Variants in ACTL9 observed in about 807,000 individuals in gnomAD.
ACTL9 encodes actin-like protein 9.
ACTL9 carries 1 observed loss-of-function variant against 0.9 expected under a neutral mutation model. The ratio of observed to expected loss-of-function variants is 1.10; its 90% CI spans 0.39 to 5.23. The LOEUF is 5.23. Among genes scored for constraint, ACTL9 ranks in the 30% most tolerant of loss-of-function variants. The probability of loss-of-function intolerance (pLI) is 0.16; values close to 1 mark genes in which losing one functional copy is unlikely to be tolerated. For missense variants in ACTL9, 597 were observed against 566.8 expected (o/e 1.05, Z -0.54); for synonymous variants, 283 against 269.5 (o/e 1.05, Z -0.49).
Position 8,698,500 on chromosome 19 carries a change from G to GC in ACTL9, c.201dup (p.Gln68AlafsTer188). The GC allele has an allele frequency of 6.3e-7, 1 of 1,583,774 alleles. No individual in the cohort carries two copies. Among genetic ancestry groups the GC allele is most frequent in the Middle Eastern group, 1.7e-4 (1 of 5,944 alleles). Reference sequence around the variant, plus strand: ...GCCACGGTGTAGGTGGGGCTGGCCTGCCCAGCAAAACCTACCTTACAGGTG... The same window carrying GC: ...GCCACGGTGTAGGTGGGGCTGGCCTGCCCCAGCAAAACCTACCTTACAGGTG... On this transcript the variant is annotated frameshift_variant, in exon 1 of 1. Coordinates refer to ENST00000324436, the MANE Select transcript of ACTL9 (RefSeq NM_178525.5). LOFTEE classifies it low-confidence loss of function (END_TRUNC).
At position 8,697,645 on chromosome 19, in the gene ACTL9, G is replaced by A; in HGVS notation, c.1057C>T (p.Arg353Cys). 4 of 1,612,366 alleles carry A rather than the reference G, an allele frequency of 2.5e-6. No homozygotes were observed. The highest frequency in any genetic ancestry group is 1.7e-4 in the Middle Eastern group (1 of 6,058). The change falls in exon 1 of 1, where the codon CGC (arginine) becomes TGC (cysteine). Residue 353 changes from arginine (R) to cysteine (C), a missense_variant. By Grantham distance (180) the Arg-to-Cys change is radical. Transcript: ENST00000324436. The surrounding 1 kb of genome is among the most constrained non-coding windows in gnomAD (Gnocchi z 4.3). ...GSSLFTGFEG[R>C]FRAELLRALP... The stretch of plus-strand genomic sequence containing the variant: ...GCGCGCAGCAGCTCTGCCCGGAAGC[G>A]ACCCTCGAAGCCGGTGAAGAGCGAG...
Position 8,698,501 on chromosome 19 carries a change from C to T in ACTL9, c.201G>A (p.Gly67=), listed in dbSNP as rs1215848583. Residue 67 remains glycine (G), a synonymous_variant, in exon 1 of 1, where the codon GGG becomes GGA. Coordinates refer to ENST00000324436, the MANE Select transcript of ACTL9 (RefSeq NM_178525.5). The stretch of plus-strand genomic sequence containing the variant: ...CCACGGTGTAGGTGGGGCTGGCCTG[C>T]CCAGCAAAACCTACCTTACAGGTGC... The part of the protein sequence containing the change: ...GTGTCKVGFA[G]QASPTYTVAT... 4.4e-6 allele frequency: 7 copies of T among 1,583,522 alleles called. No homozygotes were observed. In the Middle Eastern group the frequency reaches 5.0e-4, roughly 114 times the overall value.
rs1555753322 is a variant in ACTL9, at chr19:8,697,800, A to C, written c.902T>G (p.Leu301Arg). The C allele has an allele frequency of 6.2e-7, 1 of 1,613,154 alleles. No individual in the cohort carries two copies. Among genetic ancestry groups the C allele is most frequent in the Non-Finnish European group, 8.5e-7 (1 of 1,179,980 alleles). The change falls in exon 1 of 1, where the codon CTG (leucine) becomes CGG (arginine). Residue 301 changes from leucine (L) to arginine (R), a missense_variant. By Grantham distance (102) the Leu-to-Arg change is moderately radical. Coordinates refer to ENST00000324436, the MANE Select transcript of ACTL9 (RefSeq NM_178525.5). This position sits in a 1 kb window ranked among gnomAD's most constrained non-coding sequence, Gnocchi z 4.3. ...CCCCGGGACCTCTGGGGGGTTGAAC[A>C]GCAGCTCCGGACACTGGAACAGCTC... ...GKELFQCPEL[L>R]FNPPEVPGLS...
Position 8,697,428 on chromosome 19 carries a change from C to T in ACTL9, c.*23G>A, listed in dbSNP as rs527438836. 1.9e-6 allele frequency: 3 copies of T among 1,544,954 alleles called. No individual in the cohort carries two copies. The highest frequency in any genetic ancestry group is 4.0e-5 in the Admixed American group (2 of 49,496). The stretch of plus-strand genomic sequence containing the variant: ...TGTAGCAGAGGCTTTACTGCCCCCA[C>T]GCCCTCCCCAGCTCTGCCCTGGTCA... On this transcript the variant is annotated 3_prime_UTR_variant, in exon 1 of 1. Transcript: ENST00000324436. The surrounding 1 kb of genome is among the most constrained non-coding windows in gnomAD (Gnocchi z 4.3).
In ACTL9 at chr19:8,697,904, C is replaced by G; in HGVS notation, c.798G>C (p.Gln266His). ...HHYCYVASDF[Q>H]KEQARPEQEY... ...CCTGCTCCGGCCGGGCCTGCTCCTT[C>G]TGGAAGTCGGAGGCCACGTAGCAAT... is the stretch of plus-strand genomic sequence containing the variant. Residue 266 changes from glutamine (Q) to histidine (H), a missense_variant, in exon 1 of 1, where the codon CAG (glutamine) becomes CAC (histidine). Coordinates refer to ENST00000324436, the MANE Select transcript of ACTL9 (RefSeq NM_178525.5). This position sits in a 1 kb window ranked among gnomAD's most constrained non-coding sequence, Gnocchi z 4.3. 6.2e-7 allele frequency: 1 copy of G among 1,613,608 alleles called. No individual in the cohort carries two copies. The highest frequency in any genetic ancestry group is 1.1e-5 in the South Asian group (1 of 91,086).
Position 8,698,003 on chromosome 19 carries a change from C to G in ACTL9, c.699G>C (p.Ala233=). The G allele has an allele frequency of 6.2e-7, 1 of 1,604,700 alleles. No individual in the cohort carries two copies. The highest frequency in any genetic ancestry group is 8.5e-7 in the Non-Finnish European group (1 of 1,179,738). The change falls in exon 1 of 1, where the codon GCG becomes GCC. Residue 233 remains alanine, a synonymous_variant. Coordinates refer to ENST00000324436, the MANE Select transcript of ACTL9 (RefSeq NM_178525.5). ...GCAGGCCGGCCTGGAGCAGCATCTC[C>G]GCCAGGAAGGCGGTCAGGTTGTTGC... ...LAGNNLTAFL[A]EMLLQAGLPL... is the part of the protein sequence containing the mutation.
rs1195389614 is a variant in ACTL9, at chr19:8,698,198, C to T, written c.504G>A (p.Glu168=). Residue 168 remains glutamate, a synonymous_variant, in exon 1 of 1, where the codon GAG becomes GAA. Transcript: ENST00000324436. ...CGTACATGGCTGGGGAGCGCAGCGA[C>T]TCGAAGGCCACCTCCACTAGCTTCT... ...NREKLVEVAF[E]SLRSPAMYVA... 9 of 1,605,882 alleles carry T rather than the reference C, an allele frequency of 5.6e-6. No individual in the cohort carries two copies. The highest frequency in any genetic ancestry group is 1.6e-4 in the Middle Eastern group (1 of 6,068).
At position 8,698,642 on chromosome 19, in the gene ACTL9, G is replaced by C; in HGVS notation, c.60C>G (p.Pro20=). 1 of 1,579,808 alleles carries C rather than the reference G, an allele frequency of 6.3e-7. No individual in the cohort carries two copies. The highest frequency in any genetic ancestry group is 8.6e-7 in the Non-Finnish European group (1 of 1,157,198). ...ESQSSLEAPR[P]GPNPSPNVVN... ...CCACGTTGGGACTGGGGTTTGGGCC[G>C]GGCCTGGGGGCCTCCAGGGAGGACT... The change falls in exon 1 of 1, where the codon CCC becomes CCG. Residue 20 remains proline (P), a synonymous_variant. Transcript: ENST00000324436.
Position 8,697,692 on chromosome 19 carries a change from T to C in ACTL9, c.1010A>G (p.Asn337Ser). 6.2e-7 allele frequency: 1 copy of C among 1,612,088 alleles called. No individual in the cohort carries two copies. The change falls in exon 1 of 1, where the codon AAC becomes AGC. Residue 337 changes from asparagine to serine, a missense_variant. Transcript: ENST00000324436. This position sits in a 1 kb window ranked among gnomAD's most constrained non-coding sequence, Gnocchi z 4.3. ...CGAGGACCCACCGCAGAGAAGCACG[T>C]TTTGGGCCAAGTCCGCGCGCATCTC... is the stretch of plus-strand genomic sequence containing the variant. ...SLEMRADLAQ[N>S]VLLCGGSSLF... is the part of the protein sequence containing the mutation.
In ACTL9 at chr19:8,698,502, C is replaced by T; in HGVS notation, c.200G>A (p.Gly67Glu). 6.3e-7 allele frequency: 1 copy of T among 1,584,758 alleles called. No homozygotes were observed. Among genetic ancestry groups the T allele is most frequent in the South Asian group, 1.1e-5 (1 of 88,218 alleles). The part of the protein sequence containing the change: ...GTGTCKVGFA[G>E]QASPTYTVAT... ...CACGGTGTAGGTGGGGCTGGCCTGC[C>T]CAGCAAAACCTACCTTACAGGTGCC... Residue 67 changes from glycine to glutamate, a missense_variant, in exon 1 of 1, where the codon GGG becomes GAG. Transcript: ENST00000324436.
In ACTL9 at chr19:8,697,913, G is replaced by A. The variant is rs781970744; in HGVS notation, c.789C>T (p.Ser263=). The change falls in exon 1 of 1, where the codon TCC becomes TCT. Residue 263 remains serine, a synonymous_variant. Coordinates refer to ENST00000324436, the MANE Select transcript of ACTL9 (RefSeq NM_178525.5). This position sits in a 1 kb window ranked among gnomAD's most constrained non-coding sequence, Gnocchi z 4.3. ...GCCGGGCCTGCTCCTTCTGGAAGTCGGAGGCCACGTAGCAATAGTGGTGCT... is the reference window on the plus strand; with the variant it reads ...GCCGGGCCTGCTCCTTCTGGAAGTCAGAGGCCACGTAGCAATAGTGGTGCT... ...NIKHHYCYVA[S]DFQKEQARPE... is the part of the protein sequence containing the mutation. 3.1e-6 allele frequency: 5 copies of A among 1,613,598 alleles called. No individual in the cohort carries two copies. Among genetic ancestry groups the A allele is most frequent in the African/African-American group, 1.3e-5 (1 of 75,030 alleles).
Position 8,697,419 on chromosome 19 carries a change from C to T in ACTL9, c.*32G>A, listed in dbSNP as rs1555753206. 9 of 1,536,042 alleles carry T rather than the reference C, an allele frequency of 5.9e-6. No homozygotes were observed. The highest frequency in any genetic ancestry group is 7.9e-6 in the Non-Finnish European group (9 of 1,143,574). The stretch of plus-strand genomic sequence containing the variant: ...AGAGCCGGCTGTAGCAGAGGCTTTA[C>T]TGCCCCCACGCCCTCCCCAGCTCTG... On this transcript the variant is annotated 3_prime_UTR_variant, in exon 1 of 1. Coordinates refer to ENST00000324436, the MANE Select transcript of ACTL9 (RefSeq NM_178525.5). This position sits in a 1 kb window ranked among gnomAD's most constrained non-coding sequence, Gnocchi z 4.3.
In ACTL9 at chr19:8,698,302, CCA is replaced by C. The variant is rs2043210795; in HGVS notation, c.398_399del (p.Leu133ArgfsTer122). On this transcript the variant is annotated frameshift_variant, in exon 1 of 1. Coordinates refer to ENST00000324436, the MANE Select transcript of ACTL9 (RefSeq NM_178525.5). LOFTEE classifies it low-confidence loss of function (END_TRUNC). The part of the protein sequence containing the change: ...DAAELIWRHL[L>X]EHDLRVATHD... Reference sequence around the variant, plus strand: ...TGGGTGGCCACTCGGAGGTCGTGCTCCAGCAGGTGGCGCCAGATGAGCTCGGC... The same window carrying C: ...TGGGTGGCCACTCGGAGGTCGTGCTCGCAGGTGGCGCCAGATGAGCTCGGC... 1 of 1,536,498 alleles carries C rather than the reference CCA, an allele frequency of 6.5e-7. No homozygotes were observed. The highest frequency in any genetic ancestry group is 2.0e-5 in the Admixed American group (1 of 51,212).
chr19:8,697,737 C>G lies in ACTL9; in HGVS notation c.965G>C (p.Ser322Thr). 2 of 1,613,114 alleles carry G rather than the reference C, an allele frequency of 1.2e-6. No individual in the cohort carries two copies. Among genetic ancestry groups the G allele is most frequent in the Non-Finnish European group, 1.7e-6 (2 of 1,179,992 alleles). The change falls in exon 1 of 1, where the codon AGT becomes ACT. Residue 322 changes from serine to threonine, a missense_variant. Ser to Thr is a moderately conservative substitution (Grantham distance 58). Transcript: ENST00000324436. The surrounding 1 kb of genome is among the most constrained non-coding windows in gnomAD (Gnocchi z 4.3). Reference sequence around the variant, plus strand: ...CATCTCCAGTGACAACTTGCGGAGACTCTGCTTGGCCATGGTGGAGAGGCC... The same window carrying G: ...CATCTCCAGTGACAACTTGCGGAGAGTCTGCTTGGCCATGGTGGAGAGGCC... ...PVGLSTMAKQ[S>T]LRKLSLEMRA...
In ACTL9 at chr19:8,697,964, C is replaced by T. The variant is rs2043208000; in HGVS notation, c.738G>A (p.Gln246=). Residue 246 remains glutamine, a synonymous_variant, in exon 1 of 1, where the codon CAG becomes CAA. Coordinates refer to ENST00000324436, the MANE Select transcript of ACTL9 (RefSeq NM_178525.5). The surrounding 1 kb of genome is among the most constrained non-coding windows in gnomAD (Gnocchi z 4.3). ...LLQAGLPLGQ[Q]DLDLVENIKH... ...TAATGTTCTCCACTAGGTCCAGGTC[C>T]TGCTGTCCCAGGGGCAGGCCGGCCT... 1 of 1,611,958 alleles carries T rather than the reference C, an allele frequency of 6.2e-7. No homozygotes were observed. The highest frequency in any genetic ancestry group is 1.7e-5 in the Admixed American group (1 of 60,006).
At position 8,698,365 on chromosome 19, in the gene ACTL9, G is replaced by T; in HGVS notation, c.337C>A (p.Pro113Thr). ...TCCACGACGATGCCGCTGCGCAGGG[G>T]TTGCACCAGCGTCAGCTCTGGGAGC... ...RVLPELTLVQ[P>T]LRSGIVVDWD... The change falls in exon 1 of 1, where the codon CCC (proline) becomes ACC (threonine). Residue 113 changes from proline (P) to threonine (T), a missense_variant. Pro to Thr is a conservative substitution (Grantham distance 38). Coordinates refer to ENST00000324436, the MANE Select transcript of ACTL9 (RefSeq NM_178525.5). The T allele has an allele frequency of 1.3e-6, 2 of 1,517,166 alleles. No individual in the cohort carries two copies. Among genetic ancestry groups the T allele is most frequent in the Middle Eastern group, 1.8e-4 (1 of 5,596 alleles). The allele number at this position is 1,517,166 out of a possible 1,614,324, so 94.0% of individuals were successfully genotyped here.
chr19:8,697,651 C>G lies in ACTL9; in HGVS notation c.1051G>C (p.Glu351Gln), dbSNP rs868935067. The change falls in exon 1 of 1, where the codon GAG becomes CAG. Residue 351 changes from glutamate (E) to glutamine (Q), a missense_variant. Physicochemically the swap from Glu to Gln is conservative, Grantham distance 29 (BLOSUM62 2). Transcript: ENST00000324436. The surrounding 1 kb of genome is among the most constrained non-coding windows in gnomAD (Gnocchi z 4.3). ...AGCAGCTCTGCCCGGAAGCGACCCT[C>G]GAAGCCGGTGAAGAGCGAGGACCCA... ...CGGSSLFTGF[E>Q]GRFRAELLRA... The G allele has an allele frequency of 6.2e-7, 1 of 1,612,398 alleles. No homozygotes were observed. Among genetic ancestry groups the G allele is most frequent in the African/African-American group, 1.3e-5 (1 of 74,850 alleles).
Position 8,698,237 on chromosome 19 carries a change from C to A in ACTL9, c.465G>T (p.Pro155=). 1 of 1,585,078 alleles carries A rather than the reference C, an allele frequency of 6.3e-7. No homozygotes were observed. The highest frequency in any genetic ancestry group is 1.1e-5 in the South Asian group (1 of 87,314). The change falls in exon 1 of 1, where the codon CCG becomes CCT. Residue 155 remains proline (P), a synonymous_variant. Coordinates refer to ENST00000324436, the MANE Select transcript of ACTL9 (RefSeq NM_178525.5). The part of the protein sequence containing the change: ...PLLFSDPPFS[P]ATNREKLVEV... ...CCACTAGCTTCTCGCGGTTGGTGGCCGGGCTGAAGGGTGGGTCGGAGAACA... is the reference window on the plus strand; with the variant it reads ...CCACTAGCTTCTCGCGGTTGGTGGCAGGGCTGAAGGGTGGGTCGGAGAACA...
chr19:8,697,834 G>A lies in ACTL9; in HGVS notation c.868C>T (p.Leu290=), dbSNP rs374990435. ...LKLPDGRTVT[L]GKELFQCPEL... ...GGACACTGGAACAGCTCCTTGCCCA[G>A]GGTGACCGTGCGCCCATCGGGCAGC... is the stretch of plus-strand genomic sequence containing the variant. Residue 290 remains leucine (L), a synonymous_variant, in exon 1 of 1, where the codon CTG becomes TTG. Transcript: ENST00000324436. This position sits in a 1 kb window ranked among gnomAD's most constrained non-coding sequence, Gnocchi z 4.3. The A allele has an allele frequency of 1.1e-5, 18 of 1,613,148 alleles. No individual in the cohort carries two copies. The highest frequency in any genetic ancestry group is 1.1e-4 in the East Asian group (5 of 44,880).
Sources: gnomAD v4.1 joint callset for allele counts on GRCh38, gnomAD v4.1.1 for gene constraint, Gnocchi (gnomAD v3.1) non-coding constraint, MANE v1.5 for transcripts, NCBI Gene and HGNC (gene_info 2026-07-23, HGNC 2026-07-21) for gene names.